ZNF516: variants seen among roughly 807,000 people sequenced by gnomAD.
The protein encoded by ZNF516 is zinc finger protein 516.
Under a neutral mutation model 79.7 loss-of-function variants are expected in ZNF516, and 19 were observed. That is an observed-to-expected ratio of 0.24 (90% CI 0.17 to 0.35). The LOEUF is 0.35. Ranked by LOEUF, ZNF516 falls within the 10% of genes least tolerant of loss-of-function variation. The pLI is 1.00. For missense variants in ZNF516, 1,678 were observed against 1,679.5 expected, an observed-to-expected ratio of 1.00 and a Z score of 0.02; for synonymous variants, 877 against 739.5, an observed-to-expected ratio of 1.19 and a Z score of -3.02.
At chr18:76,383,384 C>A (rs1397060570) in intron 3 of ZNF516, among the ~76,000 whole-genome samples, 1 of 150,346 alleles carries the variant, frequency 6.7e-6, no homozygotes, top group Non-Finnish European at 1.5e-5. Flanking sequence ...CTCCACCAGG[C>A]ACCTTCTCAG....
At chr18:76,490,066 A>G in intron 1 of ZNF516, 2 of 641,476 alleles carry the variant, frequency 3.1e-6, no homozygotes, top group Non-Finnish European at 3.9e-6. Context: ...ATGAATTAAG[A>G]AAAACATTAG....
chr18:76,380,367 G>T, intron 3 of ZNF516, 64 bp from the exon 4 acceptor site: 1 of 1,560,288 alleles, frequency 6.4e-7, no homozygotes, highest in East Asian at 2.3e-5. Flanking sequence ...CAAGACACAC[G>T]GTGCGTACAG....
In ZNF516 at chr18:76,442,112, T is replaced by G; in HGVS notation, c.943A>C (p.Ile315Leu). 1 of 1,613,962 alleles carries G rather than the reference T, an allele frequency of 6.2e-7. No individual in the cohort carries two copies. The highest frequency in any genetic ancestry group is 8.5e-7 in the Non-Finnish European group (1 of 1,179,880). Residue 315 changes from isoleucine to leucine, a missense_variant, in exon 3 of 7, where the codon ATC becomes CTC. Physicochemically the swap from Ile to Leu is conservative, Grantham distance 5. This residue lies in a region of ZNF516 where 1,294 missense variants were observed against 1,248.3 expected (regional missense o/e 1.04). Transcript: ENST00000443185. ...TGGACCACGTTGTTGATGGTGGCGA[T>G]GGGGTCCAGCTCACTCTTGGGCCTG... is the stretch of plus-strand genomic sequence containing the variant. ...KNRPKSELDPIATINNVVQEE... is the reference protein window; with the variant it reads ...KNRPKSELDPLATINNVVQEE...
intron 5 of ZNF516, 107 bp from the exon 6 acceptor site, chr18:76,370,702 G>A (rs78927252): frequency 0.039 from 34,795 of 898,484 alleles, 869 homozygotes; most frequent in Non-Finnish European, 0.045. Context: ...AGACACCAGC[G>A]CCTAGCCTGT....
At chr18:76,432,077 G>A (rs547482121) in intron 3 of ZNF516, among the ~76,000 whole-genome samples, 1 of 152,362 alleles carries the variant, frequency 6.6e-6, no homozygotes, top group Non-Finnish European at 1.5e-5. Context: ...CTCTGCAGAT[G>A]TCACCAGTTG....
In ZNF516 at chr18:76,493,178, G is replaced by C; in HGVS notation, c.-272+1966C>G. ...AGAGCTCTGAAAGTTAGCCATCTGC[G>C]CAGAGTTTGCCTTCTTTAAGGAGGG... On this transcript the variant is annotated intron_variant, in intron 1 of 6. Coordinates refer to ENST00000443185, the MANE Select transcript of ZNF516 (RefSeq NM_014643.4). This position sits in a 1 kb window ranked among gnomAD's most constrained non-coding sequence, Gnocchi z 5.2. 1 of 985,138 alleles carries C rather than the reference G, an allele frequency of 1.0e-6. No individual in the cohort carries two copies. 61.0% of individuals were successfully genotyped at this position (985,138 alleles called of 1,614,324 possible). A position where few individuals can be genotyped will look rare whatever the true frequency, so the allele number is the denominator to read the frequency against.
At chr18:76,469,289 A>T (rs1212820520) in intron 1 of ZNF516, among the ~76,000 whole-genome samples, 1 of 152,230 alleles carries the variant, frequency 6.6e-6, no homozygotes, top group East Asian at 1.9e-4. Context: ...AAGGATTTGC[A>T]GTCCTATTTT....
At chr18:76,483,722 A>G (rs1328353571) in intron 1 of ZNF516, among the ~76,000 whole-genome samples, 1 of 151,810 alleles carries the variant, frequency 6.6e-6, no homozygotes. Context: ...GGTCACTTAC[A>G]CTCTGTATTT....
At chr18:76,494,922 T>A (rs1411891090) in intron 1 of ZNF516, among the ~76,000 whole-genome samples, 1 of 115,810 alleles carries the variant, frequency 8.6e-6, no homozygotes, top group African/African-American at 3.3e-5. Flanking sequence ...CATCTTCCCC[T>A]ATCCTGGAAT....
chr18:76,379,973 T>C lies in ZNF516; in HGVS notation c.2141A>G (p.His714Arg), dbSNP rs2074863178. 3.1e-6 allele frequency: 5 copies of C among 1,613,872 alleles called. No homozygotes were observed. Among genetic ancestry groups the C allele is most frequent in the Non-Finnish European group, 4.2e-6 (5 of 1,179,896 alleles). The change falls in exon 4 of 7, where the codon CAC (histidine) becomes CGC (arginine). Residue 714 changes from histidine (H) to arginine (R), a missense_variant. This residue lies in a region of ZNF516 where 1,294 missense variants were observed against 1,248.3 expected (regional missense o/e 1.04). Transcript: ENST00000443185. ...CCCTCCCCCAGAGTGTTCCTTGTTG[T>C]GCAAATCGGACAGCTTTTCTGCAGG... ...GHPAEKLSDLHNKEHSGGGKR... is the reference protein window; with the variant it reads ...GHPAEKLSDLRNKEHSGGGKR...
chr18:76,466,384 T>C (rs951829847), intron 1 of ZNF516, among the ~76,000 whole-genome samples: 7 of 152,170 alleles, frequency 4.6e-5, no homozygotes, highest in Non-Finnish European at 7.4e-5. Flanking sequence ...TCTCTGTCAG[T>C]TCCCCACTCC....
chr18:76,408,959 A>G (rs1305480903), intron 3 of ZNF516, among the ~76,000 whole-genome samples: 1 of 152,240 alleles, frequency 6.6e-6, no homozygotes, highest in Non-Finnish European at 1.5e-5. Context: ...AAGCCAAGCC[A>G]AAGATACGAA....
chr18:76,495,745 C>T (rs1915458135), upstream of ZNF516: 1 of 1,168,902 alleles, frequency 8.6e-7, no homozygotes, highest in South Asian at 1.5e-5. Flanking sequence ...GGCACTGCGC[C>T]CCATCTGGAC....
At position 76,442,905 on chromosome 18, in the gene ZNF516, C is replaced by T. The variant is rs772964037; in HGVS notation, c.150G>A (p.Ser50=). The T allele has an allele frequency of 3.7e-6, 6 of 1,613,274 alleles. No homozygotes were observed. The Admixed American group carries it at 5.0e-5, about 13-fold the overall frequency. Residue 50 remains serine (S), a synonymous_variant, in exon 3 of 7, where the codon TCG becomes TCA. Coordinates refer to ENST00000443185, the MANE Select transcript of ZNF516 (RefSeq NM_014643.4). ...CGCCCGTGTGCTTGCGCATGTGCTG[C>T]GAAAGCGAGCTCTGGAAGGGGAAGC... ...GKSFPFQSSL[S]QHMRKHTGEK...
At chr18:76,370,854 G>A (rs1377144739) in intron 5 of ZNF516, among the ~76,000 whole-genome samples, 1 of 152,184 alleles carries the variant, frequency 6.6e-6, no homozygotes, top group East Asian at 1.9e-4. Flanking sequence ...GTGTGTGTAA[G>A]GGACCCTCTT....
At chr18:76,401,616 C>A (rs1010778754) in intron 3 of ZNF516, among the ~76,000 whole-genome samples, 2 of 151,636 alleles carry the variant, frequency 1.3e-5, no homozygotes, top group Non-Finnish European at 2.9e-5. Context: ...CCCGCATGGG[C>A]CCCTATGTGG....
At chr18:76,408,678 G>T (rs1309853146) in intron 3 of ZNF516, among the ~76,000 whole-genome samples, 1 of 152,194 alleles carries the variant, frequency 6.6e-6, no homozygotes, top group East Asian at 1.9e-4. Flanking sequence ...GTAAAAAGAG[G>T]CCTTTCCAAA....
Position 76,441,515 on chromosome 18 carries a change from A to T in ZNF516, c.1540T>A (p.Ser514Thr). The T allele has an allele frequency of 6.3e-7, 1 of 1,587,382 alleles. No individual in the cohort carries two copies. The highest frequency in any genetic ancestry group is 8.6e-7 in the Non-Finnish European group (1 of 1,168,856). ...TTGCCGCACTCGAAGCACTCGGAGG[A>T]CTTGCCCTGGCCGGTGGTGGCTGCG... ...RAAATTGQGK[S>T]SECFECGKIF... Residue 514 changes from serine to threonine, a missense_variant, in exon 3 of 7, where the codon TCC becomes ACC. Physicochemically the swap from Ser to Thr is moderately conservative, Grantham distance 58. This residue lies in a region of ZNF516 where 1,294 missense variants were observed against 1,248.3 expected (regional missense o/e 1.04). Transcript: ENST00000443185.
chr18:76,406,608 G>T (rs191292166), intron 3 of ZNF516, among the ~76,000 whole-genome samples: 2 of 152,084 alleles, frequency 1.3e-5, no homozygotes, highest in Non-Finnish European at 2.9e-5. Context: ...TAAAGCCAGC[G>T]ACAGCCGCGC....
Sources: gnomAD v4.1 joint callset for allele counts (sites outside exome capture counted in the v4.1 genomes callset) on GRCh38, gnomAD v4.1.1 for gene constraint, gnomAD v4.1.1 regional missense constraint, Gnocchi (gnomAD v3.1) non-coding constraint, MANE v1.5 for transcripts, NCBI Gene and HGNC (gene_info 2026-07-23, HGNC 2026-07-21) for gene names.